OPRK1: variants seen among roughly 807,000 people sequenced by gnomAD.
OPRK1 encodes kappa-type opioid receptor.
A neutral mutation model predicts 24.5 loss-of-function variants in OPRK1; 15 were observed. That is an observed-to-expected ratio of 0.61 (90% CI 0.41 to 0.94). The LOEUF is 0.94. Ranked by LOEUF, OPRK1 falls within the 40% of genes least tolerant of loss-of-function variation. OPRK1 has a pLI of 0.00. For missense variants in OPRK1, 479 were observed against 507.3 expected (o/e 0.94, Z 0.54); for synonymous variants, 205 against 198.0 (o/e 1.04, Z -0.30).
rs1159645533 is a variant in OPRK1 at position 53,229,386 on chromosome 8, T to C, written c.1054A>G (p.Met352Val). Residue 352 changes from methionine to valine, a missense_variant, in exon 4 of 4, where the codon ATG (methionine) becomes GTG (valine). By Grantham distance (21) the Met-to-Val change is conservative. Coordinates refer to ENST00000265572, the MANE Select transcript of OPRK1 (RefSeq NM_000912.5). ...ACTCTGCTAGTGCTCTGCCGCTCCA[T>C]CCTCATCTTCAGTGGAAAGCAGAAG... ...RDFCFPLKMRMERQSTSRVRN... is the reference protein window; with the variant it reads ...RDFCFPLKMRVERQSTSRVRN... 1 of 1,614,208 alleles carries C rather than the reference T, an allele frequency of 6.2e-7. No individual in the cohort carries two copies. Among genetic ancestry groups the C allele is most frequent in the South Asian group, 1.1e-5 (1 of 91,080 alleles).
At chr8:53,241,502 G>T (rs375556772) in intron 2 of OPRK1, among the ~76,000 whole-genome samples, 3 of 151,462 alleles carry the variant, frequency 2.0e-5, no homozygotes, top group East Asian at 3.9e-4. Flanking sequence ...ATGTTTGTTT[G>T]TCTGCTTAAA....
intron 2 of OPRK1, among the ~76,000 whole-genome samples, chr8:53,247,325 G>T (rs1466366774): frequency 6.6e-6 from 1 of 152,176 alleles, no homozygotes; most frequent in Admixed American, 6.5e-5. Context: ...CATCATTCTG[G>T]CCCCGTGAGT....
chr8:53,239,994 C>A (rs1807079202), intron 2 of OPRK1, among the ~76,000 whole-genome samples: 1 of 152,196 alleles, frequency 6.6e-6, no homozygotes, highest in South Asian at 2.1e-4. Flanking sequence ...ACTGCCACTT[C>A]CTGCAGTTCA....
intron 2 of OPRK1, among the ~76,000 whole-genome samples, chr8:53,240,199 A>G (rs1468088852): frequency 6.6e-6 from 1 of 152,196 alleles, no homozygotes; most frequent in African/African-American, 2.4e-5. Context: ...GGGGAAACTG[A>G]GTTAAAAGGG....
At chr8:53,238,141 G>A (rs1258573107) in intron 2 of OPRK1, among the ~76,000 whole-genome samples, 2 of 152,212 alleles carry the variant, frequency 1.3e-5, no homozygotes, top group Admixed American at 1.3e-4. Flanking sequence ...CCAGGGTATT[G>A]TTTGTATCTA....
In OPRK1 at chr8:53,225,990, CA is replaced by C. The variant is rs1251313888; in HGVS notation, c.*3306del. On this transcript the variant is annotated 3_prime_UTR_variant, in exon 4 of 4. Transcript: ENST00000265572. ...CATTGATAGGACACACAACCTTTCACAGCTTTCACTTTACAATGTTCCAATT... is the reference window on the plus strand; with the variant it reads ...CATTGATAGGACACACAACCTTTCACGCTTTCACTTTACAATGTTCCAATT... 2 of 152,168 alleles carry C rather than the reference CA, an allele frequency of 1.3e-5. No homozygotes were observed. Among genetic ancestry groups the C allele is most frequent in the Admixed American group, 1.3e-4 (2 of 15,276 alleles). 9.4% of individuals were successfully genotyped at this position (152,168 alleles called of 1,614,324 possible).
chr8:53,233,278 T>A (rs1220505497), intron 3 of OPRK1, among the ~76,000 whole-genome samples: 1 of 152,200 alleles, frequency 6.6e-6, no homozygotes, highest in African/African-American at 2.4e-5. Context: ...CAGTGTGGGT[T>A]CAGCAGCTGT....
intron 2 of OPRK1, 66 bp downstream of exon 2, chr8:53,250,715 T>C: frequency 6.8e-7 from 1 of 1,466,934 alleles, no homozygotes; most frequent in Non-Finnish European, 9.1e-7. Flanking sequence ...GCTGCTCCAG[T>C]GGCGGGGCCT....
At chr8:53,238,102 G>A (rs1807035264) in intron 2 of OPRK1, among the ~76,000 whole-genome samples, 1 of 152,210 alleles carries the variant, frequency 6.6e-6, no homozygotes, top group African/African-American at 2.4e-5. Flanking sequence ...AAGCAAGGCT[G>A]TGACGCTCAG....
Position 53,234,182 on chromosome 8 carries a change from C to CAAAAAAAAAAAA in OPRK1, c.610+565_610+576dup, listed in dbSNP as rs546459906. ...CTGGCAACAGAGCAAGACTCTCTCT[C>CAAAAAAAAAAAA]AAAAAAAAAAAAAAAAAAAAATCAG... On this transcript the variant is annotated intron_variant, in intron 3 of 3. Transcript: ENST00000265572. 3.1e-4 allele frequency among the ~76,000 whole-genome samples: 20 copies of CAAAAAAAAAAAA among 65,350 alleles called. 1 individual carries two copies. The highest frequency in any genetic ancestry group is 1.5e-3 in the South Asian group (2 of 1,366). The allele number at this position is 65,350 out of a possible 152,430, so 42.9% of individuals were successfully genotyped here.
intron 2 of OPRK1, chr8:53,242,882 T>C (rs1225091898): frequency 9.3e-6 from 12 of 1,287,770 alleles, no homozygotes; most frequent in South Asian, 1.2e-5. Flanking sequence ...ATTCATCACA[T>C]GGTTTTGTCG....
chr8:53,239,424 G>A (rs1807066499), intron 2 of OPRK1, among the ~76,000 whole-genome samples: 1 of 152,212 alleles, frequency 6.6e-6, no homozygotes, highest in South Asian at 2.1e-4. Context: ...TGGACAGAGA[G>A]AGAAGCTTTC....
At position 53,235,123 on chromosome 8, in the gene OPRK1, G is replaced by C. The variant is rs1806960093; in HGVS notation, c.258-12C>G. ...TCATCTTTGTGTATCTAAAAGAAAA[G>C]AAACAATAGCATTTCCCTCCATTTT... is the stretch of plus-strand genomic sequence containing the variant. On this transcript the variant is annotated splice_polypyrimidine_tract_variant and intron_variant, in intron 2 of 3. Transcript: ENST00000265572. 1 of 1,602,216 alleles carries C rather than the reference G, an allele frequency of 6.2e-7. No individual in the cohort carries two copies. Among genetic ancestry groups the C allele is most frequent in the Non-Finnish European group, 8.5e-7 (1 of 1,171,686 alleles).
chr8:53,250,970 G>T lies in OPRK1; in HGVS notation c.68C>A (p.Pro23His), dbSNP rs1807376030. Residue 23 changes from proline to histidine, a missense_variant, in exon 2 of 4, where the codon CCC becomes CAC. Physicochemically the swap from Pro to His is moderately conservative, Grantham distance 77. Transcript: ENST00000265572. ...GPTCAPSACL[P>H]PNSSAWFPGW... ...GGGAAACCAGGCGCTGCTGTTGGGG[G>T]GCAGGCAGGCGCTCGGGGCGCAGGT... 1.2e-6 allele frequency: 2 copies of T among 1,605,062 alleles called. No homozygotes were observed. The highest frequency in any genetic ancestry group is 1.7e-6 in the Non-Finnish European group (2 of 1,175,976).
chr8:53,228,856 T>G lies in OPRK1; in HGVS notation c.*441A>C. The G allele has an allele frequency of 6.2e-6, 1 of 160,586 alleles. No individual in the cohort carries two copies. The highest frequency in any genetic ancestry group is 5.9e-5 in the Admixed American group (1 of 16,886). The allele number at this position is 160,586 out of a possible 1,614,324, so 9.9% of individuals were successfully genotyped here. On this transcript the variant is annotated 3_prime_UTR_variant, in exon 4 of 4. Coordinates refer to ENST00000265572, the MANE Select transcript of OPRK1 (RefSeq NM_000912.5). ...AACCCTGGAAATAGTTCCCATTCCG[T>G]TGGAGGTTGTTGCTGTCATTGTGAA...
chr8:53,245,318 T>A (rs569491135), intron 2 of OPRK1, among the ~76,000 whole-genome samples: 1 of 152,076 alleles, frequency 6.6e-6, no homozygotes, highest in Non-Finnish European at 1.5e-5. Context: ...AAGACACAGA[T>A]GTGTAGGGGA....
intron 1 of OPRK1, 140 bp downstream of exon 1, chr8:53,251,308 G>A: frequency 1.9e-6 from 1 of 518,478 alleles, no homozygotes; most frequent in East Asian, 3.6e-5. Context: ...CAGCCCCTGA[G>A]GTGCCTCCCT....
At chr8:53,240,325 C>T (rs568461947) in intron 2 of OPRK1, among the ~76,000 whole-genome samples, 10 of 152,276 alleles carry the variant, frequency 6.6e-5, no homozygotes, top group African/African-American at 2.2e-4. Context: ...TGGTGATTTT[C>T]TAAATAGATT....
At chr8:53,243,656 T>C (rs1372070298) in intron 2 of OPRK1, among the ~76,000 whole-genome samples, 1 of 152,218 alleles carries the variant, frequency 6.6e-6, no homozygotes, top group African/African-American at 2.4e-5. Flanking sequence ...ACATAAGCAG[T>C]TGCAATTCTC....
Sources: allele counts gnomAD v4.1 joint callset (sites outside exome capture counted in the v4.1 genomes callset), GRCh38; gene constraint gnomAD v4.1.1; transcripts MANE v1.5; gene names NCBI Gene and HGNC (gene_info 2026-07-23, HGNC 2026-07-21).